The following SIL1 variants were observed in gnomAD, a reference collection of about 807,000 sequenced individuals.
The protein encoded by SIL1 is nucleotide exchange factor SIL1.
SIL1 carries 40 observed loss-of-function variants against 49.1 expected under a neutral mutation model. The ratio of observed to expected loss-of-function variants is 0.81; its 90% CI spans 0.63 to 1.06. The LOEUF is 1.06. Among genes scored for constraint, SIL1 ranks in the 50% least tolerant of loss-of-function variants. The probability of loss-of-function intolerance (pLI) is 0.00; values close to 1 mark genes in which losing one functional copy is unlikely to be tolerated. For missense variants in SIL1, 500 were observed against 572.6 expected (o/e 0.87, Z 1.29); for synonymous variants, 253 against 250.8 (o/e 1.01, Z -0.08).
chr5:139,177,271 G>T (rs569655624), intron 1 of SIL1, among the ~76,000 whole-genome samples: 1 of 146,928 alleles, frequency 6.8e-6, no homozygotes, highest in Admixed American at 6.8e-5. Context: ...TTTGAGACTG[G>T]CTCTGTCACC....
At chr5:139,110,117 C>T (rs1199621965) in intron 3 of SIL1, among the ~76,000 whole-genome samples, 3 of 150,156 alleles carry the variant, frequency 2.0e-5, no homozygotes, top group South Asian at 2.1e-4. Context: ...TGCAGTGAGC[C>T]GAGATCACGC....
Position 138,946,849 on chromosome 5 carries a change from C to G in SIL1, c.*268G>C. On this transcript the variant is annotated 3_prime_UTR_variant, in exon 10 of 10. Transcript: ENST00000394817. Reference sequence around the variant, plus strand: ...AGCAGAGACTTGCAACTCCTGGGCCCAGGTTCCTGCCCTGGAGCCTGTTCC... The same window carrying G: ...AGCAGAGACTTGCAACTCCTGGGCCGAGGTTCCTGCCCTGGAGCCTGTTCC... 1.9e-6 allele frequency: 1 copy of G among 527,158 alleles called. No homozygotes were observed. The highest frequency in any genetic ancestry group is 3.4e-6 in the Non-Finnish European group (1 of 289,868). The allele number at this position is 527,158 out of a possible 1,614,324, so 32.7% of individuals were successfully genotyped here. A position where few individuals can be genotyped will look rare whatever the true frequency, so the allele number is the denominator to read the frequency against.
chr5:138,999,724 G>A (rs982645793), intron 7 of SIL1, among the ~76,000 whole-genome samples: 1 of 152,074 alleles, frequency 6.6e-6, no homozygotes, highest in African/African-American at 2.4e-5. Context: ...TACTGAAATC[G>A]TTTATCAGTT....
intron 1 of SIL1, among the ~76,000 whole-genome samples, chr5:139,153,184 T>C (rs1376933656): frequency 6.6e-6 from 1 of 152,160 alleles, no homozygotes; most frequent in Non-Finnish European, 1.5e-5. Flanking sequence ...TCCAGGCTTT[T>C]GCACATGTCA....
intron 7 of SIL1, among the ~76,000 whole-genome samples, chr5:138,969,425 ACT>A (rs894997264): frequency 3.3e-5 from 5 of 152,102 alleles, no homozygotes; most frequent in South Asian, 2.1e-4. Context: ...CCTTTCTGGG[ACT>A]CTAACACAGT....
chr5:139,096,430 C>T (rs1467034900), intron 3 of SIL1, among the ~76,000 whole-genome samples: 4 of 151,944 alleles, frequency 2.6e-5, no homozygotes, highest in African/African-American at 4.8e-5. Context: ...GACGGTGGGG[C>T]GGCAGAAGAG....
At chr5:139,183,903 C>T (rs577783946) in intron 1 of SIL1, among the ~76,000 whole-genome samples, 13 of 152,302 alleles carry the variant, frequency 8.5e-5, no homozygotes, top group African/African-American at 2.6e-4. Context: ...CAATTCTATT[C>T]CACACTCACT....
chr5:139,015,447 TC>T (rs1238112560), intron 7 of SIL1, among the ~76,000 whole-genome samples: 2 of 152,212 alleles, frequency 1.3e-5, no homozygotes, highest in Admixed American at 1.3e-4. Context: ...TTAACATTGA[TC>T]TTAAAAAACA....
chr5:139,019,905 T>C (rs1242718507), intron 7 of SIL1, among the ~76,000 whole-genome samples: 1 of 147,626 alleles, frequency 6.8e-6, no homozygotes, highest in Admixed American at 6.8e-5. Context: ...AAGTGAGCTT[T>C]AGTAAGTTCT....
At chr5:139,188,913 C>G (rs1420386503) in intron 1 of SIL1, among the ~76,000 whole-genome samples, 1 of 152,150 alleles carries the variant, frequency 6.6e-6, no homozygotes, top group Non-Finnish European at 1.5e-5. Context: ...AAGCACTAAG[C>G]TGAGTAAGGA....
chr5:139,139,019 C>G (rs1487608703), intron 1 of SIL1, among the ~76,000 whole-genome samples: 1 of 152,222 alleles, frequency 6.6e-6, no homozygotes, highest in Non-Finnish European at 1.5e-5. Context: ...GTCCCGCTTC[C>G]TGATGACTCA....
At chr5:139,035,554 T>C in intron 5 of SIL1, 1 of 487,000 alleles carries the variant, frequency 2.1e-6, no homozygotes, top group Non-Finnish European at 4.0e-6. Flanking sequence ...GGGCCAATCT[T>C]GGGGGCCAGT....
At chr5:139,112,443 G>A (rs1770876471) in intron 3 of SIL1, among the ~76,000 whole-genome samples, 2 of 149,332 alleles carry the variant, frequency 1.3e-5, no homozygotes, top group Non-Finnish European at 1.5e-5. Flanking sequence ...TGTAGGGAGC[G>A]CCTCTGCCCC....
chr5:138,950,169 G>C (rs1391339595), intron 9 of SIL1, among the ~76,000 whole-genome samples: 1 of 152,238 alleles, frequency 6.6e-6, no homozygotes, highest in Non-Finnish European at 1.5e-5. Flanking sequence ...CCAGAGAACA[G>C]AGCCCAGTTT....
chr5:138,999,488 T>C (rs1767942243), intron 7 of SIL1, among the ~76,000 whole-genome samples: 1 of 152,028 alleles, frequency 6.6e-6, no homozygotes, highest in Admixed American at 6.5e-5. Context: ...AGTGAGACCC[T>C]ATCTGTGTAA....
intron 3 of SIL1, among the ~76,000 whole-genome samples, chr5:139,087,851 A>G (rs1367033549): frequency 6.6e-6 from 1 of 152,184 alleles, no homozygotes; most frequent in Admixed American, 6.5e-5. Flanking sequence ...GGGAAGAAGA[A>G]AAAGCCTCCT....
At chr5:139,012,077 GGA>G (rs1012238252) in intron 7 of SIL1, among the ~76,000 whole-genome samples, 1 of 151,644 alleles carries the variant, frequency 6.6e-6, no homozygotes, top group African/African-American at 2.4e-5. Flanking sequence ...TTTCTGAGAT[GGA>G]GTCTCGCTCT....
chr5:139,094,900 A>C (rs970160253), intron 3 of SIL1, among the ~76,000 whole-genome samples: 2 of 152,336 alleles, frequency 1.3e-5, no homozygotes, highest in South Asian at 4.1e-4. Context: ...AAACCATGAT[A>C]GTTTGCAGAG....
At chr5:139,005,230 T>G (rs1462948986) in intron 7 of SIL1, among the ~76,000 whole-genome samples, 1 of 144,694 alleles carries the variant, frequency 6.9e-6, no homozygotes. Context: ...TAAATACATA[T>G]AATTTTATCT....
Sources: allele counts gnomAD v4.1 joint callset (sites outside exome capture counted in the v4.1 genomes callset), GRCh38; gene constraint gnomAD v4.1.1; transcripts MANE v1.5; gene names NCBI Gene and HGNC (gene_info 2026-07-23, HGNC 2026-07-21).